The following CDH13 variants were observed in gnomAD, a reference collection of about 807,000 sequenced individuals.
The protein encoded by CDH13 is cadherin-13.
Under a neutral mutation model 63.8 loss-of-function variants are expected in CDH13, and 24 were observed. That is an observed-to-expected ratio of 0.38 (90% CI 0.27 to 0.53). The LOEUF is 0.53. Ranked by LOEUF, CDH13 falls within the 20% of genes least tolerant of loss-of-function variation. The pLI is 0.85. For missense variants in CDH13, 1,049 were observed against 903.1 expected (o/e 1.16, Z -2.07); for synonymous variants, 503 against 355.3 (o/e 1.42, Z -4.67).
intron 3 of CDH13, among the ~76,000 whole-genome samples, chr16:83,082,126 C>G (rs1853313951): frequency 6.6e-6 from 1 of 152,184 alleles, no homozygotes; most frequent in South Asian, 2.1e-4. Context: ...ATGGCCCAAT[C>G]TCCAAATGTT....
intron 2 of CDH13, among the ~76,000 whole-genome samples, chr16:82,929,467 A>T (rs1210523180): frequency 1.3e-5 from 2 of 151,424 alleles, no homozygotes; most frequent in Admixed American, 1.3e-4. Flanking sequence ...TGGTCTAGCC[A>T]GGTGAAACCC....
chr16:83,049,887 C>A (rs779095754), intron 3 of CDH13, among the ~76,000 whole-genome samples: 4 of 152,110 alleles, frequency 2.6e-5, no homozygotes, highest in South Asian at 2.1e-4. Context: ...TGCATACTTA[C>A]AAGATTTATG....
chr16:83,594,623 A>T (rs1184557871), intron 7 of CDH13, among the ~76,000 whole-genome samples: 1 of 152,204 alleles, frequency 6.6e-6, no homozygotes, highest in African/African-American at 2.4e-5. Context: ...GACAAACTGT[A>T]AAGAGAGATG....
At chr16:83,213,823 C>G (rs1005696603) in intron 4 of CDH13, among the ~76,000 whole-genome samples, 1 of 152,064 alleles carries the variant, frequency 6.6e-6, no homozygotes, top group Non-Finnish European at 1.5e-5. Flanking sequence ...GTAAAATGCA[C>G]CAATCAGCAC....
intron 1 of CDH13, among the ~76,000 whole-genome samples, chr16:82,716,529 G>T (rs2032383585): frequency 6.6e-6 from 1 of 150,888 alleles, no homozygotes; most frequent in African/African-American, 2.4e-5. Context: ...GGGATTATGA[G>T]TGGAGGAATC....
chr16:83,697,743 G>A (rs535908625), intron 10 of CDH13, among the ~76,000 whole-genome samples: 1 of 152,188 alleles, frequency 6.6e-6, no homozygotes, highest in Non-Finnish European at 1.5e-5. Flanking sequence ...CACCTCCCAC[G>A]TTCAAGCAAT....
chr16:82,848,238 A>G (rs1048798569), intron 1 of CDH13, among the ~76,000 whole-genome samples: 5 of 152,210 alleles, frequency 3.3e-5, no homozygotes, highest in Non-Finnish European at 7.3e-5. Context: ...TCTTGAAGCT[A>G]TAGATAAAAC....
Position 83,169,795 on chromosome 16 carries a change from C to T in CDH13, c.483+44294C>T, listed in dbSNP as rs1567471662. Among the ~76,000 whole-genome samples, 3 of 152,040 alleles carry T rather than the reference C, an allele frequency of 2.0e-5. No homozygotes were observed. The South Asian group carries it at 6.2e-4, about 32-fold the overall frequency. ...GAATTTTTAAATCTTTAGACAGATA[C>T]AATACCATTTTTTCCTTATGCGTAT... On this transcript the variant is annotated intron_variant, in intron 4 of 13. Transcript: ENST00000567109.
At chr16:82,892,071 A>G (rs879424918) in intron 2 of CDH13, among the ~76,000 whole-genome samples, 16 of 152,100 alleles carry the variant, frequency 1.1e-4, no homozygotes, top group African/African-American at 3.6e-4. Flanking sequence ...AGGCAGCTCA[A>G]CTGCCTCCCT....
intron 10 of CDH13, chr16:83,735,954 G>A (rs901026592): frequency 1.3e-5 from 2 of 152,150 alleles, no homozygotes; most frequent in Non-Finnish European, 2.9e-5. Flanking sequence ...AAAACACACT[G>A]AATGAAAAGA....
chr16:83,066,408 CA>C (rs1211872566), intron 3 of CDH13, among the ~76,000 whole-genome samples: 4 of 152,174 alleles, frequency 2.6e-5, no homozygotes, highest in African/African-American at 9.6e-5. Context: ...AAGTCCTAAA[CA>C]AAAGGCAACG....
intron 6 of CDH13, among the ~76,000 whole-genome samples, chr16:83,462,887 C>G (rs2073216005): frequency 6.6e-6 from 1 of 152,104 alleles, no homozygotes; most frequent in Admixed American, 6.6e-5. Context: ...TACCTAGATC[C>G]TAGGTACCTG....
intron 10 of CDH13, among the ~76,000 whole-genome samples, chr16:83,703,100 T>A (rs1170748722): frequency 6.6e-6 from 1 of 152,212 alleles, no homozygotes; most frequent in African/African-American, 2.4e-5. Flanking sequence ...TCTCTTTGAA[T>A]AGAGCTGCAT....
At chr16:82,883,121 T>G (rs992750227) in intron 2 of CDH13, among the ~76,000 whole-genome samples, 1 of 152,196 alleles carries the variant, frequency 6.6e-6, no homozygotes, top group African/African-American at 2.4e-5. Flanking sequence ...TTTCACACCA[T>G]TAAATTCAGA....
At chr16:82,970,276 G>C (rs1158251567) in intron 2 of CDH13, among the ~76,000 whole-genome samples, 1 of 151,552 alleles carries the variant, frequency 6.6e-6, no homozygotes, top group Admixed American at 6.6e-5. Context: ...TTTTATGGCT[G>C]CATAGTATTC....
chr16:82,873,316 G>C (rs1030120624), intron 2 of CDH13, among the ~76,000 whole-genome samples: 2 of 152,082 alleles, frequency 1.3e-5, no homozygotes, highest in African/African-American at 4.8e-5. Context: ...TATAGATAGG[G>C]GTATAAAGAT....
intron 1 of CDH13, among the ~76,000 whole-genome samples, chr16:82,662,115 G>C (rs570640481): frequency 6.6e-6 from 1 of 152,320 alleles, no homozygotes; most frequent in African/African-American, 2.4e-5. Context: ...ATAGAATGGA[G>C]TATTCTCCAT....
At chr16:82,777,669 A>C (rs1306541898) in intron 1 of CDH13, among the ~76,000 whole-genome samples, 1 of 152,204 alleles carries the variant, frequency 6.6e-6, no homozygotes, top group Non-Finnish European at 1.5e-5. Context: ...GGTGCAGCTT[A>C]GCTGGGTCTT....
At chr16:82,639,287 A>T in intron 1 of CDH13, 1 of 1,061,208 alleles carries the variant, frequency 9.4e-7, no homozygotes, top group African/African-American at 1.6e-5. Context: ...TGGGCTACTG[A>T]TTGCAACCTT....
Sources: allele counts gnomAD v4.1 joint callset (sites outside exome capture counted in the v4.1 genomes callset), GRCh38; gene constraint gnomAD v4.1.1; transcripts MANE v1.5; gene names NCBI Gene and HGNC (gene_info 2026-07-23, HGNC 2026-07-21).